C1orf232: variants seen among roughly 807,000 people sequenced by gnomAD.
The protein encoded by C1orf232 is uncharacterized protein C1orf232.
A neutral mutation model predicts 12.1 loss-of-function variants in C1orf232; 10 were observed. The observed-to-expected ratio is 0.82, with a 90% CI of 0.51 to 1.40. The LOEUF (loss-of-function observed/expected upper bound fraction) is 1.40. Among genes scored for constraint, C1orf232 ranks in the 40% most tolerant of loss-of-function variants. The pLI is 0.00. For synonymous variants in C1orf232, 36 were observed against 39.8 expected, an observed-to-expected ratio of 0.90 and a Z score of 0.36; for missense variants, 88 against 98.4, an observed-to-expected ratio of 0.89 and a Z score of 0.45.
rs1287690048 is a variant in C1orf232, at chr1:26,168,828, T to G, written c.-329A>C. Among the ~76,000 whole-genome samples, 2 of 152,248 alleles carry G rather than the reference T, an allele frequency of 1.3e-5. No individual in the cohort carries two copies. Among genetic ancestry groups the G allele is most frequent in the Non-Finnish European group, 2.9e-5 (2 of 68,044 alleles). ...TACTTGAGTTGTTCATCTCTTAGCA[T>G]GCCTCCAGGAAAATCTTCTTCCATT... On this transcript the variant is annotated 5_prime_UTR_variant, in exon 1 of 4. The change abolishes an upstream ATG in the 5' untranslated region. Coordinates refer to ENST00000634842, the MANE Select transcript of C1orf232 (RefSeq NM_001364669.2).
intron 1 of C1orf232, 73 bp downstream of exon 1, chr1:26,168,343 G>A: frequency 9.2e-7 from 1 of 1,083,904 alleles, no homozygotes; most frequent in Non-Finnish European, 1.2e-6. Flanking sequence ...CCTATCCTGT[G>A]CCCCACTTCA....
In C1orf232 at chr1:26,164,666, G is replaced by C. The variant is rs1171274262; in HGVS notation, c.267-211C>G. Reference sequence around the variant, plus strand: ...GGGAGGGCTCAGAGGCCCTGGGAAAGGGGTCTGGGGTGGGACAGGGTCAGG... The same window carrying C: ...GGGAGGGCTCAGAGGCCCTGGGAAACGGGTCTGGGGTGGGACAGGGTCAGG... On this transcript the variant is annotated intron_variant, in intron 3 of 3. Coordinates refer to ENST00000634842, the MANE Select transcript of C1orf232 (RefSeq NM_001364669.2). The surrounding 1 kb of genome is among the most constrained non-coding windows in gnomAD (Gnocchi z 4.2). Among the ~76,000 whole-genome samples the C allele has an allele frequency of 6.6e-6, 1 of 152,084 alleles. No homozygotes were observed. The highest frequency in any genetic ancestry group is 1.5e-5 in the Non-Finnish European group (1 of 67,996).
At chr1:26,165,686 TGA>T (rs2088417787) in intron 3 of C1orf232, 138 bp downstream of exon 3, 2 of 1,219,776 alleles carry the variant, frequency 1.6e-6, no homozygotes, top group Admixed American at 4.2e-5. Flanking sequence ...TGTTTCCTGC[TGA>T]GAGAAACAGA....
rs2088420829 is a variant in C1orf232, at chr1:26,165,902, C to T, written c.190G>A (p.Gly64Ser). ...ARRVQGVGVK[G>S]WLTMSSLFNK... is the part of the protein sequence containing the mutation. ...AACAGAGATGACATTGTCAGCCAGC[C>T]TTTCACCCCGACCCCCTGAACCTGG... The change falls in exon 3 of 4, where the codon GGC becomes AGC. Residue 64 changes from glycine (G) to serine (S), a missense_variant. Physicochemically the swap from Gly to Ser is moderately conservative, Grantham distance 56. Transcript: ENST00000634842. 1 of 1,231,802 alleles carries T rather than the reference C, an allele frequency of 8.1e-7. No individual in the cohort carries two copies. The highest frequency in any genetic ancestry group is 1.0e-6 in the Non-Finnish European group (1 of 988,034). The allele number at this position is 1,231,802 out of a possible 1,614,324, so 76.3% of individuals were successfully genotyped here.
chr1:26,165,970 C>A (rs2088421773), intron 2 of C1orf232, 47 bp from the exon 3 acceptor site: 1 of 1,231,654 alleles, frequency 8.1e-7, no homozygotes, highest in Non-Finnish European at 1.0e-6. Flanking sequence ...CACAACCTCC[C>A]AGGACTCCAC....
chr1:26,166,258 CCACAAGGG>C (rs2088425023), intron 1 of C1orf232, 140 bp from the exon 2 acceptor site: 1 of 481,614 alleles, frequency 2.1e-6, no homozygotes. Context: ...CTCCACAGAT[CCACAAGGG>C]CACATGGGAA....
Position 26,165,595 on chromosome 1 carries a change from T to TA in C1orf232, c.266+230dup, listed in dbSNP as rs370689548. On this transcript the variant is annotated intron_variant, in intron 3 of 3. Coordinates refer to ENST00000634842, the MANE Select transcript of C1orf232 (RefSeq NM_001364669.2). ...CGGATGGGTCGTGAGAGCCCATAAATACCTTCTAGCACCTCAATCCCAACA... is the reference window on the plus strand; with the variant it reads ...CGGATGGGTCGTGAGAGCCCATAAATAACCTTCTAGCACCTCAATCCCAACA... 42 of 679,544 alleles carry TA rather than the reference T, an allele frequency of 6.2e-5. No homozygotes were observed. In the African/African-American group the frequency reaches 7.4e-4, roughly 12 times the overall value. The allele number at this position is 679,544 out of a possible 1,614,324, so 42.1% of individuals were successfully genotyped here.
At chr1:26,167,125 G>A (rs934492842) in intron 1 of C1orf232, among the ~76,000 whole-genome samples, 4 of 152,124 alleles carry the variant, frequency 2.6e-5, no homozygotes, top group Admixed American at 6.6e-5. Context: ...CCTCTGAACC[G>A]ATTCCTGCCT....
At position 26,165,873 on chromosome 1, in the gene C1orf232, G is replaced by T; in HGVS notation, c.219C>A (p.Asn73Lys). Residue 73 changes from asparagine (N) to lysine (K), a missense_variant, in exon 3 of 4, where the codon AAC (asparagine) becomes AAA (lysine). Physicochemically the swap from Asn to Lys is moderately conservative, Grantham distance 94 (BLOSUM62 0). Coordinates refer to ENST00000634842, the MANE Select transcript of C1orf232 (RefSeq NM_001364669.2). The part of the protein sequence containing the change: ...KGWLTMSSLF[N>K]KEDEDKLLPS... ...GCAGCAGCTTATCTTCATCTTCTTT[G>T]TTAAACAGAGATGACATTGTCAGCC... 1 of 1,231,746 alleles carries T rather than the reference G, an allele frequency of 8.1e-7. No individual in the cohort carries two copies. The highest frequency in any genetic ancestry group is 1.5e-5 in the African/African-American group (1 of 64,518). The allele number at this position is 1,231,746 out of a possible 1,614,324, so 76.3% of individuals were successfully genotyped here. A position where few individuals can be genotyped will look rare whatever the true frequency, so the allele number is the denominator to read the frequency against.
rs867668740 is a variant in C1orf232, at chr1:26,164,176, C to G, written c.546G>C (p.Ala182=). Residue 182 remains alanine, a synonymous_variant, in exon 4 of 4, where the codon GCG becomes GCC. Coordinates refer to ENST00000634842, the MANE Select transcript of C1orf232 (RefSeq NM_001364669.2). This position sits in a 1 kb window ranked among gnomAD's most constrained non-coding sequence, Gnocchi z 4.2. The stretch of plus-strand genomic sequence containing the variant: ...TGCCAGCCTGCTAGTCACCCTTGGG[C>G]GCAGCCTTCACCCTCATCTCGGCCA... The part of the protein sequence containing the change: ...HKLAEMRVKA[A]PKGD The G allele has an allele frequency of 2.5e-6, 1 of 398,450 alleles. No individual in the cohort carries two copies. Among genetic ancestry groups the G allele is most frequent in the African/African-American group, 2.1e-5 (1 of 48,742 alleles). The allele number at this position is 398,450 out of a possible 1,614,324, so 24.7% of individuals were successfully genotyped here.
chr1:26,168,316 G>T (rs2088447498), intron 1 of C1orf232, 100 bp downstream of exon 1: 8 of 821,856 alleles, frequency 9.7e-6, no homozygotes, highest in Non-Finnish European at 1.3e-5. Context: ...CACAAATGTG[G>T]CCCCCCCACC....
chr1:26,166,338 C>A (rs1456329900), intron 1 of C1orf232, among the ~76,000 whole-genome samples: 1 of 151,596 alleles, frequency 6.6e-6, no homozygotes. Flanking sequence ...TTTGTGTGTG[C>A]GTGTGTGTGT....
intron 1 of C1orf232, among the ~76,000 whole-genome samples, chr1:26,166,713 C>T (rs542634095): frequency 6.6e-6 from 1 of 152,318 alleles, no homozygotes; most frequent in South Asian, 2.1e-4. Flanking sequence ...TGTAGACACA[C>T]ACCTGTACAT....
intron 3 of C1orf232, among the ~76,000 whole-genome samples, chr1:26,165,115 G>A (rs1451855695): frequency 6.6e-6 from 1 of 150,590 alleles, no homozygotes; most frequent in Non-Finnish European, 1.5e-5. Context: ...GGGGTTGGGG[G>A]TGGGGGAAAA....
Position 26,168,702 on chromosome 1 carries a change from G to A in C1orf232, c.-203C>T. 1 of 393,706 alleles carries A rather than the reference G, an allele frequency of 2.5e-6. No individual in the cohort carries two copies. 24.4% of individuals were successfully genotyped at this position (393,706 alleles called of 1,614,324 possible). A position where few individuals can be genotyped will look rare whatever the true frequency, so the allele number is the denominator to read the frequency against. On this transcript the variant is annotated 5_prime_UTR_variant, in exon 1 of 4. Transcript: ENST00000634842. ...CCAAAGGAGTCGGGGAGTGGGGGAT[G>A]GAACAAGCTTCTGCCACCTTAGCCC...
At chr1:26,165,547 T>A (rs1443056466) in intron 3 of C1orf232, among the ~76,000 whole-genome samples, 1 of 152,150 alleles carries the variant, frequency 6.6e-6, no homozygotes, top group Non-Finnish European at 1.5e-5. Context: ...TTCTTGGATT[T>A]TAGAGAGATG....
At position 26,168,889 on chromosome 1, in the gene C1orf232, C is replaced by T. The variant is rs1239193202; in HGVS notation, c.-390G>A. Among the ~76,000 whole-genome samples the T allele has an allele frequency of 6.6e-6, 1 of 152,210 alleles. No homozygotes were observed. The highest frequency in any genetic ancestry group is 1.5e-5 in the Non-Finnish European group (1 of 68,044). ...TGAGGTCTGGGACCCACACTGGAGC[C>T]CCTGTGACTGTAGTCATACTAGTTG... On this transcript the variant is annotated 5_prime_UTR_variant, in exon 1 of 4. Coordinates refer to ENST00000634842, the MANE Select transcript of C1orf232 (RefSeq NM_001364669.2).
At chr1:26,165,721 C>T in intron 3 of C1orf232, 105 bp downstream of exon 3, 4 of 1,231,388 alleles carry the variant, frequency 3.2e-6, no homozygotes, top group Non-Finnish European at 4.0e-6. Flanking sequence ...CTGCCCCTCC[C>T]CAGCCCTCAG....
At chr1:26,165,990 T>C in intron 2 of C1orf232, 45 bp downstream of exon 2, 1 of 1,231,548 alleles carries the variant, frequency 8.1e-7, no homozygotes, top group Non-Finnish European at 1.0e-6. Context: ...CAGAAGCCTC[T>C]GCCAGGCTGC....
Sources: gnomAD v4.1 joint callset for allele counts (sites outside exome capture counted in the v4.1 genomes callset) on GRCh38, gnomAD v4.1.1 for gene constraint, Gnocchi (gnomAD v3.1) non-coding constraint, MANE v1.5 for transcripts, NCBI Gene and HGNC (gene_info 2026-07-23, HGNC 2026-07-21) for gene names.